The following PWP1 variants were observed in gnomAD, a reference collection of about 807,000 sequenced individuals.
PWP1 encodes PWP1 homolog, endonuclein.
In PWP1, 47 loss-of-function variants were observed where a neutral mutation model predicts 69.9. That is an observed-to-expected ratio of 0.67 (90% CI 0.53 to 0.86). The LOEUF is 0.86. Among genes scored for constraint, PWP1 ranks in the 40% least tolerant of loss-of-function variants. The pLI, the probability that PWP1 is intolerant of heterozygous loss-of-function variation, is 0.00. For synonymous variants in PWP1, 222 were observed against 208.2 expected, an observed-to-expected ratio of 1.07 and a Z score of -0.57; for missense variants, 551 against 608.8, an observed-to-expected ratio of 0.91 and a Z score of 1.00.
intron 8 of PWP1, among the ~76,000 whole-genome samples, chr12:107,700,040 A>G (rs979963260): frequency 2.6e-5 from 4 of 152,154 alleles, no homozygotes; most frequent in African/African-American, 9.7e-5. Flanking sequence ...ACTCTCCTTT[A>G]TAAAACCGTC....
intron 6 of PWP1, 22 bp downstream of exon 6, chr12:107,696,606 G>T (rs998992097): frequency 6.2e-7 from 1 of 1,612,646 alleles, no homozygotes; most frequent in Non-Finnish European, 8.5e-7. Context: ...ACTTAAGGTT[G>T]TTCAATGATT....
At chr12:107,704,822 A>G (rs1323338291) in intron 11 of PWP1, 75 bp downstream of exon 11, 3 of 1,225,628 alleles carry the variant, frequency 2.4e-6, no homozygotes, top group Non-Finnish European at 3.6e-6. Flanking sequence ...AGAGAGAATT[A>G]TCTGAAAAGC....
Position 107,688,654 on chromosome 12 carries a change from T to C in PWP1, c.171T>C (p.Ser57=). 1 of 1,614,158 alleles carries C rather than the reference T, an allele frequency of 6.2e-7. No homozygotes were observed. Among genetic ancestry groups the C allele is most frequent in the Non-Finnish European group, 8.5e-7 (1 of 1,180,012 alleles). ...GCAGTGATGAAGAGGAGACAGGCAG[T>C]CCTTCAGAAGATGGCATGCAGAGTG... ...GGGSDEEETG[S]PSEDGMQSAR... The change falls in exon 3 of 15, where the codon AGT becomes AGC. Residue 57 remains serine (S), a synonymous_variant. Coordinates refer to ENST00000412830, the MANE Select transcript of PWP1 (RefSeq NM_007062.3).
intron 8 of PWP1, among the ~76,000 whole-genome samples, chr12:107,700,574 G>A (rs1180726128): frequency 6.6e-6 from 1 of 152,128 alleles, no homozygotes; most frequent in Non-Finnish European, 1.5e-5. Context: ...TCATTTACGT[G>A]TGGTCACCTG....
At chr12:107,700,064 C>A (rs1402640820) in intron 8 of PWP1, among the ~76,000 whole-genome samples, 4 of 152,110 alleles carry the variant, frequency 2.6e-5, no homozygotes, top group African/African-American at 9.7e-5. Flanking sequence ...TCTTGTGAGA[C>A]CCATTCACTA....
rs576036054 is a variant in PWP1, at chr12:107,692,507, A to G, written c.320-307A>G. ...CCGTATCACCTTCAATCATGAATGC[A>G]GGGAGCTAGCTAGAGAATCTCAAGA... On this transcript the variant is annotated intron_variant, in intron 3 of 14. Transcript: ENST00000412830. 2.0e-5 allele frequency among the ~76,000 whole-genome samples: 3 copies of G among 152,308 alleles called. No individual in the cohort carries two copies. In the South Asian group the frequency reaches 6.2e-4, roughly 32 times the overall value.
chr12:107,686,090 G>A, intron 1 of PWP1, 119 bp downstream of exon 1: 1 of 1,120,052 alleles, frequency 8.9e-7, no homozygotes, highest in Non-Finnish European at 1.3e-6. Flanking sequence ...TGGCTGGGGT[G>A]AGGGCGGCTT....
chr12:107,687,497 C>T (rs932856827), intron 1 of PWP1, among the ~76,000 whole-genome samples: 19 of 152,238 alleles, frequency 1.2e-4, no homozygotes, highest in African/African-American at 4.1e-4. Context: ...TTAAGATTCC[C>T]TAGGTGATTC....
rs573607067 is a variant in PWP1 at position 107,686,838 on chromosome 12, T to C, written c.72+867T>C. 5.8e-4 allele frequency among the ~76,000 whole-genome samples: 88 copies of C among 152,116 alleles called. No homozygotes were observed. In the South Asian group the frequency reaches 0.017, roughly 29 times the overall value. ...AAAATTAGCCGGGTGTGGTGGTGGA[T>C]GCCTGTAGTCCCAGCTACTCGGGAG... On this transcript the variant is annotated intron_variant, in intron 1 of 14. Transcript: ENST00000412830.
chr12:107,699,431 T>G lies in PWP1; in HGVS notation c.803T>G (p.Ile268Ser). 1 of 1,610,846 alleles carries G rather than the reference T, an allele frequency of 6.2e-7. No homozygotes were observed. Among genetic ancestry groups the G allele is most frequent in the South Asian group, 1.1e-5 (1 of 90,944 alleles). Reference protein sequence around the residue: ...AVLDLSWNKLIRNVLASASAD... With the variant: ...AVLDLSWNKLSRNVLASASAD... Reference sequence around the variant, plus strand: ...CTTGACCTTTCATGGAATAAGCTAATCAGGTAAAAAGAAATAACATTTGAA... The same window carrying G: ...CTTGACCTTTCATGGAATAAGCTAAGCAGGTAAAAAGAAATAACATTTGAA... Residue 268 changes from isoleucine to serine, a missense_variant, in exon 8 of 15, where the codon ATC becomes AGC. Coordinates refer to ENST00000412830, the MANE Select transcript of PWP1 (RefSeq NM_007062.3).
At position 107,704,575 on chromosome 12, in the gene PWP1, T is replaced by C; in HGVS notation, c.966-61T>C. On this transcript the variant is annotated intron_variant, in intron 10 of 14. Transcript: ENST00000412830. The stretch of plus-strand genomic sequence containing the variant: ...GTGCTATTTTATTACTATTTCATTA[T>C]AAATAAAACATATAGGAGAATTGAA... 5 of 1,123,530 alleles carry C rather than the reference T, an allele frequency of 4.5e-6. No homozygotes were observed. The South Asian group carries it at 5.4e-5, about 12-fold the overall frequency. The allele number at this position is 1,123,530 out of a possible 1,614,324, so 69.6% of individuals were successfully genotyped here.
chr12:107,685,816 C>T lies in PWP1; in HGVS notation c.-84C>T, dbSNP rs866398192. On this transcript the variant is annotated 5_prime_UTR_variant, in exon 1 of 15. Coordinates refer to ENST00000412830, the MANE Select transcript of PWP1 (RefSeq NM_007062.3). ...GCCCTGGCAGCGGCCCTGTGCAGAT[C>T]CCTGAGCGTGTGGCAGCAGTGCGGT... 19 of 1,470,498 alleles carry T rather than the reference C, an allele frequency of 1.3e-5. 1 individual carries two copies. The East Asian group carries it at 3.4e-4, about 26-fold the overall frequency. The allele number at this position is 1,470,498 out of a possible 1,614,324, so 91.1% of individuals were successfully genotyped here.
At chr12:107,711,672 A>G (rs1889955931) in intron 14 of PWP1, among the ~76,000 whole-genome samples, 1 of 152,060 alleles carries the variant, frequency 6.6e-6, no homozygotes, top group South Asian at 2.1e-4. Context: ...ATATCTCCCC[A>G]CTGTATGATT....
At chr12:107,697,390 T>C in intron 6 of PWP1, 77 bp from the exon 7 acceptor site, 2 of 1,400,864 alleles carry the variant, frequency 1.4e-6, no homozygotes, top group Non-Finnish European at 1.9e-6. Flanking sequence ...TCAGTTAATC[T>C]ACAGTATAAT....
chr12:107,704,384 C>G (rs972371825), intron 10 of PWP1, among the ~76,000 whole-genome samples: 1 of 152,146 alleles, frequency 6.6e-6, no homozygotes, highest in Non-Finnish European at 1.5e-5. Context: ...ATTCTTCTTG[C>G]GAGTGGAAGA....
intron 14 of PWP1, 42 bp downstream of exon 14, chr12:107,710,552 T>TAAAAAAAA (rs35371581): frequency 1.5e-5 from 17 of 1,158,076 alleles, no homozygotes; most frequent in Admixed American, 7.3e-5. Context: ...CCTGCCCCTG[T>TAAAAAAAA]AAAAAAAAAA....
chr12:107,689,014 AG>A (rs905687772), intron 3 of PWP1, among the ~76,000 whole-genome samples: 3 of 152,298 alleles, frequency 2.0e-5, no homozygotes, highest in African/African-American at 7.2e-5. Flanking sequence ...TAAAAAAAAA[AG>A]TACTGTGTAT....
At chr12:107,709,453 A>G (rs1889898207) in intron 13 of PWP1, among the ~76,000 whole-genome samples, 1 of 151,516 alleles carries the variant, frequency 6.6e-6, no homozygotes, top group Non-Finnish European at 1.5e-5. Context: ...TCACATGATT[A>G]ACAGTTGCTT....
chr12:107,703,835 T>C, intron 10 of PWP1, 89 bp downstream of exon 10: 2 of 1,225,178 alleles, frequency 1.6e-6, no homozygotes, highest in South Asian at 1.3e-5. Flanking sequence ...AGGCAGAATG[T>C]ATCCTTGAGG....
Sources: gnomAD v4.1 joint callset for allele counts (sites outside exome capture counted in the v4.1 genomes callset) on GRCh38, gnomAD v4.1.1 for gene constraint, MANE v1.5 for transcripts, NCBI Gene and HGNC (gene_info 2026-07-23, HGNC 2026-07-21) for gene names.